The following RUFY1 variants were observed in gnomAD, a reference collection of about 807,000 sequenced individuals.
RUFY1 encodes the protein RUN and FYVE domain containing 1.
Under a neutral mutation model 94.6 loss-of-function variants are expected in RUFY1, and 54 were observed. The ratio of observed to expected loss-of-function variants is 0.57; its 90% CI spans 0.46 to 0.72. RUFY1 has a LOEUF of 0.72. Among genes scored for constraint, RUFY1 ranks in the 30% least tolerant of loss-of-function variants. RUFY1 has a pLI of 0.00. For synonymous variants in RUFY1, 396 were observed against 347.3 expected, an observed-to-expected ratio of 1.14 and a Z score of -1.56; for missense variants, 883 against 883.9, an observed-to-expected ratio of 1.00 and a Z score of 0.01.
chr5:179,604,856 C>T (rs555533256), intron 15 of RUFY1, among the ~76,000 whole-genome samples: 2 of 151,604 alleles, frequency 1.3e-5, no homozygotes, highest in Non-Finnish European at 2.9e-5. Context: ...TGGTGTCGGG[C>T]GCCTGTCATC....
intron 9 of RUFY1, 129 bp from the exon 10 acceptor site, chr5:179,591,496 T>C (rs1765101388): frequency 2.9e-6 from 2 of 687,954 alleles, no homozygotes; most frequent in African/African-American, 3.7e-5. Flanking sequence ...GTTTTAACCT[T>C]TTTCTACCAT....
At chr5:179,605,827 A>AGGG in intron 15 of RUFY1, 49 bp from the exon 16 acceptor site, 1 of 1,104,828 alleles carries the variant, frequency 9.1e-7, no homozygotes, top group Non-Finnish European at 1.4e-6. Context: ...AGGGATTCAG[A>AGGG]GCCTCACTCT....
chr5:179,577,929 T>A (rs1763785984), intron 6 of RUFY1, among the ~76,000 whole-genome samples: 1 of 152,068 alleles, frequency 6.6e-6, no homozygotes, highest in Admixed American at 6.5e-5. Flanking sequence ...TTTTCTGTTT[T>A]GTTTAGTTAT....
chr5:179,556,203 T>C (rs929440011), intron 1 of RUFY1, among the ~76,000 whole-genome samples: 1 of 152,222 alleles, frequency 6.6e-6, no homozygotes, highest in Non-Finnish European at 1.5e-5. Context: ...TTATTTAATA[T>C]TTGAAAATTT....
chr5:179,555,148 A>G (rs1581412099), intron 1 of RUFY1, among the ~76,000 whole-genome samples: 1 of 152,240 alleles, frequency 6.6e-6, no homozygotes, highest in East Asian at 1.9e-4. Context: ...AATGCTTCCT[A>G]AAGGATGAGT....
chr5:179,590,618 G>A (rs929549212), intron 9 of RUFY1, among the ~76,000 whole-genome samples: 6 of 151,188 alleles, frequency 4.0e-5, no homozygotes, highest in East Asian at 2.0e-4. Flanking sequence ...CCCAGTAGCT[G>A]GGACTACAGG....
chr5:179,597,002 C>T, intron 13 of RUFY1: 1 of 307,864 alleles, frequency 3.2e-6, no homozygotes. Flanking sequence ...CAGAAAGTCA[C>T]CTTTCACCTA....
At chr5:179,606,860 CCAG>C (rs766470994) in intron 16 of RUFY1, 2 of 152,454 alleles carry the variant, frequency 1.3e-5, no homozygotes, top group Non-Finnish European at 1.5e-5. Flanking sequence ...AAAATCTTGT[CCAG>C]CAGATGTTAA....
intron 15 of RUFY1, 47 bp downstream of exon 15, chr5:179,602,033 AC>A: frequency 6.8e-7 from 1 of 1,466,220 alleles, no homozygotes; most frequent in Non-Finnish European, 9.6e-7. Flanking sequence ...ACACCAGGCT[AC>A]CCACCACATC....
At position 179,591,673 on chromosome 5, in the gene RUFY1, C is replaced by A. The variant is rs761087357; in HGVS notation, c.1177C>A (p.Arg393=). The change falls in exon 10 of 18, where the codon CGG becomes AGG. Residue 393 remains arginine (R), a synonymous_variant. Coordinates refer to ENST00000319449, the MANE Select transcript of RUFY1 (RefSeq NM_025158.5). ...TGAGCTGGAGACTTACAAGCAAACTCGGCAAGGTCTGGATGAAATGTACAG... is the reference window on the plus strand; with the variant it reads ...TGAGCTGGAGACTTACAAGCAAACTAGGCAAGGTCTGGATGAAATGTACAG... ...KVELETYKQT[R]QGLDEMYSDV... 6.2e-7 allele frequency: 1 copy of A among 1,613,222 alleles called. No individual in the cohort carries two copies. The highest frequency in any genetic ancestry group is 1.1e-5 in the South Asian group (1 of 90,878).
In RUFY1 at chr5:179,550,632, G is replaced by A. The variant is rs1269936260; in HGVS notation, c.63G>A (p.Glu21=). 7.2e-6 allele frequency: 10 copies of A among 1,393,698 alleles called. No homozygotes were observed. The highest frequency in any genetic ancestry group is 8.3e-6 in the Non-Finnish European group (9 of 1,082,848). The allele number at this position is 1,393,698 out of a possible 1,614,324, so 86.3% of individuals were successfully genotyped here. Residue 21 remains glutamate, a synonymous_variant, in exon 1 of 18, where the codon GAG becomes GAA. Transcript: ENST00000319449. ...GRGRELEPEL[E]PGPGPGSALE... is the part of the protein sequence containing the mutation. Reference sequence around the variant, plus strand: ...GGCGGGAGCTGGAGCCGGAGCTGGAGCCGGGGCCGGGGCCCGGGTCAGCGC... The same window carrying A: ...GGCGGGAGCTGGAGCCGGAGCTGGAACCGGGGCCGGGGCCCGGGTCAGCGC...
At chr5:179,605,827 A>C in intron 15 of RUFY1, 49 bp from the exon 16 acceptor site, 20 of 1,104,790 alleles carry the variant, frequency 1.8e-5, no homozygotes, top group African/African-American at 3.1e-5. Flanking sequence ...AGGGATTCAG[A>C]GCCTCACTCT....
chr5:179,553,698 GA>G (rs1761970654), intron 1 of RUFY1, among the ~76,000 whole-genome samples: 2 of 152,160 alleles, frequency 1.3e-5, no homozygotes, highest in Admixed American at 1.3e-4. Context: ...GCTGAGGCAG[GA>G]GAATTGCTTG....
rs962256367 is a variant in RUFY1, at chr5:179,577,155, G to C, written c.890+19G>C. The C allele has an allele frequency of 2.5e-6, 1 of 405,314 alleles. No homozygotes were observed. Among genetic ancestry groups the C allele is most frequent in the Non-Finnish European group, 4.4e-6 (1 of 225,796 alleles). The allele number at this position is 405,314 out of a possible 1,614,324, so 25.1% of individuals were successfully genotyped here. A position where few individuals can be genotyped will look rare whatever the true frequency, so the allele number is the denominator to read the frequency against. Reference sequence around the variant, plus strand: ...GCAAGGAGTAAGTACTGCGTTGTATGTCACTTTTTTTTTTTTTTTTTTTTT... The same window carrying C: ...GCAAGGAGTAAGTACTGCGTTGTATCTCACTTTTTTTTTTTTTTTTTTTTT... On this transcript the variant is annotated intron_variant, in intron 6 of 17. Transcript: ENST00000319449.
intron 14 of RUFY1, chr5:179,600,150 A>C (rs1766193394): frequency 6.6e-6 from 1 of 152,296 alleles, no homozygotes; most frequent in African/African-American, 2.4e-5. Context: ...CAATAGGAAC[A>C]AAACAATGTC....
At chr5:179,570,120 C>T (rs1427873583) in intron 5 of RUFY1, among the ~76,000 whole-genome samples, 1 of 151,956 alleles carries the variant, frequency 6.6e-6, no homozygotes, top group Admixed American at 6.6e-5. Context: ...CCTCGTGATC[C>T]ACCCGCCTCG....
intron 9 of RUFY1, among the ~76,000 whole-genome samples, chr5:179,591,117 G>A (rs193073455): frequency 4.4e-4 from 67 of 152,254 alleles, no homozygotes; most frequent in African/African-American, 1.3e-3. Context: ...ACAGGCATGA[G>A]CCACCACACC....
At chr5:179,564,503 T>C (rs1762683580) in intron 3 of RUFY1, among the ~76,000 whole-genome samples, 1 of 150,056 alleles carries the variant, frequency 6.7e-6, no homozygotes, top group Admixed American at 6.7e-5. Context: ...CAGCTCACTG[T>C]AAGCTCCACC....
intron 8 of RUFY1, chr5:179,586,265 T>A (rs1764596486): frequency 2.2e-6 from 1 of 454,126 alleles, no homozygotes; most frequent in Non-Finnish European, 4.4e-6. Context: ...CCACCCCTTC[T>A]GCTTTGGCCT....
Sources: gnomAD v4.1 joint callset for allele counts (sites outside exome capture counted in the v4.1 genomes callset) on GRCh38, gnomAD v4.1.1 for gene constraint, MANE v1.5 for transcripts, NCBI Gene and HGNC (gene_info 2026-07-23, HGNC 2026-07-21) for gene names.